The following ABCG1 variants were observed in gnomAD, a reference collection of about 807,000 sequenced individuals.
ABCG1 encodes the protein ATP-binding cassette sub-family G member 1.
Under a neutral mutation model 69.2 loss-of-function variants are expected in ABCG1, and 29 were observed. The observed-to-expected ratio is 0.42, with a 90% CI of 0.31 to 0.57. The LOEUF (loss-of-function observed/expected upper bound fraction) is 0.57, where lower values mean the gene tolerates loss of function less well. ABCG1 is among the 20% of genes least tolerant of loss of function. The pLI is 0.15. For synonymous variants in ABCG1, 370 were observed against 374.8 expected, an observed-to-expected ratio of 0.99 and a Z score of 0.15; for missense variants, 718 against 898.1, an observed-to-expected ratio of 0.80 and a Z score of 2.56.
chr21:42,240,515 A>G (rs914165366), intron 2 of ABCG1, among the ~76,000 whole-genome samples: 3 of 152,242 alleles, frequency 2.0e-5, no homozygotes, highest in African/African-American at 7.2e-5. Context: ...CAGTAGCGCA[A>G]TCTCAGCTCA....
intron 2 of ABCG1, among the ~76,000 whole-genome samples, chr21:42,268,493 G>C (rs995248251): frequency 1.8e-4 from 27 of 152,002 alleles, no homozygotes; most frequent in Non-Finnish European, 3.7e-4. Flanking sequence ...TGTGCACAAG[G>C]TCACTGTTGT....
intron 8 of ABCG1, 63 bp downstream of exon 8, chr21:42,286,057 C>T (rs1026738452): frequency 8.7e-7 from 1 of 1,151,772 alleles, no homozygotes; most frequent in Middle Eastern, 2.2e-4. Context: ...GTGGGTCTCA[C>T]TTTTAGCTGA....
At chr21:42,293,088 T>C (rs1390448130) in intron 13 of ABCG1, among the ~76,000 whole-genome samples, 27 of 28,430 alleles carry the variant, frequency 9.5e-4, no homozygotes, top group Admixed American at 3.0e-3. Flanking sequence ...CCACACACAC[T>C]ACACACCACA....
intron 2 of ABCG1, among the ~76,000 whole-genome samples, chr21:42,235,349 G>A (rs1231404210): frequency 6.6e-6 from 1 of 152,226 alleles, no homozygotes; most frequent in Non-Finnish European, 1.5e-5. Context: ...TGCGTCGGGG[G>A]ACTGCGGGAA....
At chr21:42,216,376 G>T (rs2067640427), upstream of ABCG1, among the ~76,000 whole-genome samples, 1 of 152,082 alleles carries the variant, frequency 6.6e-6, no homozygotes, top group Non-Finnish European at 1.5e-5. Context: ...AGCTCCCCTT[G>T]CCTGGTTGAT....
At chr21:42,217,548 C>A (rs1455737550), upstream of ABCG1, among the ~76,000 whole-genome samples, 1 of 152,110 alleles carries the variant, frequency 6.6e-6, no homozygotes, top group Non-Finnish European at 1.5e-5. Context: ...GCTTTGCTGG[C>A]CTCCCTGCAG....
intron 2 of ABCG1, among the ~76,000 whole-genome samples, chr21:42,252,915 G>C (rs2068246087): frequency 6.6e-6 from 1 of 152,160 alleles, no homozygotes; most frequent in African/African-American, 2.4e-5. Context: ...TCTGGTGCTG[G>C]GGAAGCTGCT....
At chr21:42,239,720 T>C (rs225448) in intron 2 of ABCG1, among the ~76,000 whole-genome samples, 61,629 of 152,124 alleles carry the variant, frequency 0.41, 12,933 homozygotes, top group African/African-American at 0.5. Context: ...TACCTTTGTG[T>C]GTCTTTGGTG....
At chr21:42,203,455 A>G (rs964572285) in intron 2 of ABCG1, among the ~76,000 whole-genome samples, 11 of 152,180 alleles carry the variant, frequency 7.2e-5, no homozygotes, top group African/African-American at 2.7e-4. Context: ...TAACTTTTAT[A>G]TAAGAAAATT....
intron 2 of ABCG1, among the ~76,000 whole-genome samples, chr21:42,210,278 T>C (rs1023844490): frequency 4.9e-4 from 74 of 151,908 alleles, no homozygotes; most frequent in Middle Eastern, 6.8e-3. Context: ...CAGGTGGGGG[T>C]TGAGTTCTAT....
At chr21:42,245,927 A>G (rs1340488991) in intron 2 of ABCG1, among the ~76,000 whole-genome samples, 1 of 151,998 alleles carries the variant, frequency 6.6e-6, no homozygotes, top group Non-Finnish European at 1.5e-5. Context: ...ACTCAGCAGC[A>G]CAAGACCACA....
At chr21:42,217,660 T>G (rs2067655448), upstream of ABCG1, among the ~76,000 whole-genome samples, 1 of 140,348 alleles carries the variant, frequency 7.1e-6, no homozygotes, top group Non-Finnish European at 1.5e-5. Context: ...AAGTGTAAAA[T>G]CAAGGTAATG....
chr21:42,280,248 C>T (rs1288754629), intron 5 of ABCG1, among the ~76,000 whole-genome samples: 3 of 152,250 alleles, frequency 2.0e-5, no homozygotes, highest in African/African-American at 7.2e-5. Flanking sequence ...CCCTCCAACC[C>T]CCGATGTGCA....
chr21:42,296,239 G>T lies in ABCG1; in HGVS notation c.1848G>T (p.Thr616=), dbSNP rs144909530. The change falls in exon 15 of 15, where the codon ACG becomes ACT. Residue 616 remains threonine, a synonymous_variant. Transcript: ENST00000398449. This position sits in a 1 kb window ranked among gnomAD's most constrained non-coding sequence, Gnocchi z 5.4. Reference sequence around the variant, plus strand: ...ATCTGCACTGTGACATCGACGAGACGTGCCACTTCCAGAAGTCGGAGGCCA... The same window carrying T: ...ATCTGCACTGTGACATCGACGAGACTTGCCACTTCCAGAAGTCGGAGGCCA... ...REDLHCDIDE[T]CHFQKSEAIL... is the part of the protein sequence containing the mutation. 6.2e-7 allele frequency: 1 copy of T among 1,614,152 alleles called. No homozygotes were observed. The highest frequency in any genetic ancestry group is 2.2e-5 in the East Asian group (1 of 44,880).
intron 2 of ABCG1, among the ~76,000 whole-genome samples, chr21:42,244,545 C>T (rs2068104132): frequency 6.6e-6 from 1 of 152,242 alleles, no homozygotes. Context: ...TCTTGTCTTA[C>T]TTTGCAATTC....
At chr21:42,215,274 C>T (rs1209944765), upstream of ABCG1, among the ~76,000 whole-genome samples, 4 of 152,222 alleles carry the variant, frequency 2.6e-5, no homozygotes, top group African/African-American at 9.6e-5. Context: ...TCCCCTGCAC[C>T]CACCCTCACA....
chr21:42,230,970 CTG>C (rs879872079), intron 2 of ABCG1, among the ~76,000 whole-genome samples: 11 of 152,238 alleles, frequency 7.2e-5, no homozygotes, highest in Non-Finnish European at 1.6e-4. Flanking sequence ...GTGCTTAGCT[CTG>C]ACGTGGGCAC....
At chr21:42,212,164 C>T (rs541623309), upstream of ABCG1, among the ~76,000 whole-genome samples, 11 of 152,120 alleles carry the variant, frequency 7.2e-5, no homozygotes, top group Admixed American at 2.0e-4. Context: ...TTTTAAGTTA[C>T]GCAGTCTAAG....
At chr21:42,259,486 CA>C in intron 2 of ABCG1, 1 of 1,548,058 alleles carries the variant, frequency 6.5e-7, no homozygotes, top group Non-Finnish European at 8.7e-7. Context: ...ATCATGCCCC[CA>C]TCCAACCGTC....
Sources: gnomAD v4.1 joint callset for allele counts (sites outside exome capture counted in the v4.1 genomes callset) on GRCh38, gnomAD v4.1.1 for gene constraint, Gnocchi (gnomAD v3.1) non-coding constraint, MANE v1.5 for transcripts, NCBI Gene and HGNC (gene_info 2026-07-23, HGNC 2026-07-21) for gene names.